HYCC1: variants seen among roughly 807,000 people sequenced by gnomAD.
HYCC1 encodes the protein hyccin PI4KA lipid kinase complex subunit 1.
At chr7:22,934,769 T>C in the HYCC1 span, 1 of 152,144 alleles carries the variant, frequency 6.6e-6, no homozygotes, top group African/African-American at 2.4e-5. Context: ...CAGTACTGAA[T>C]TGTGACAACA....
chr7:22,936,194 G>C, the HYCC1 span: 4 of 151,848 alleles, frequency 2.6e-5, no homozygotes, highest in Non-Finnish European at 4.4e-5. Flanking sequence ...CCAGAGTAAG[G>C]CTCTATTCCA....
At chr7:22,935,201 T>TG in the HYCC1 span, 1 of 152,262 alleles carries the variant, frequency 6.6e-6, no homozygotes, top group Admixed American at 6.5e-5. Flanking sequence ...CAATGAGTGT[T>TG]GCTCTGCTAT....
At chr7:22,975,092 A>AT in the HYCC1 span, among the ~76,000 whole-genome samples, 1 of 152,188 alleles carries the variant, frequency 6.6e-6, no homozygotes, top group African/African-American at 2.4e-5. Context: ...TACACTCAGG[A>AT]TAAGTTGCAT....
the HYCC1 span, among the ~76,000 whole-genome samples, chr7:22,991,402 T>C: frequency 6.6e-6 from 1 of 152,120 alleles, no homozygotes; most frequent in East Asian, 1.9e-4. Context: ...CTGCAAAACA[T>C]ATTGGACATT....
chr7:22,902,454 A>C, the HYCC1 span, among the ~76,000 whole-genome samples: 1 of 152,116 alleles, frequency 6.6e-6, no homozygotes, highest in Non-Finnish European at 1.5e-5. Flanking sequence ...GAAAATTAAC[A>C]AAACCAAAAG....
the HYCC1 span, among the ~76,000 whole-genome samples, chr7:23,012,619 T>C: frequency 1.3e-5 from 2 of 152,224 alleles, no homozygotes; most frequent in East Asian, 1.9e-4. Context: ...TCCTTCCTTG[T>C]CTTTGCCTGC....
the HYCC1 span, among the ~76,000 whole-genome samples, chr7:22,969,634 C>G: frequency 6.6e-6 from 1 of 151,832 alleles, no homozygotes; most frequent in South Asian, 2.1e-4. Context: ...AGCAATTCTC[C>G]TGCCTCAGCC....
chr7:22,947,088 G>T, the HYCC1 span: 3 of 1,550,320 alleles, frequency 1.9e-6, 1 homozygote, highest in South Asian at 3.6e-5. Context: ...AGGATCTGTG[G>T]CTGTTTCCTG....
At chr7:23,013,887 C>T in the HYCC1 span, 1 of 461,508 alleles carries the variant, frequency 2.2e-6, no homozygotes, top group Non-Finnish European at 4.5e-6. Context: ...TTGCCGGACG[C>T]CCTGGGGGCC....
chr7:22,982,712 T>C, the HYCC1 span, among the ~76,000 whole-genome samples: 1 of 152,148 alleles, frequency 6.6e-6, no homozygotes, highest in South Asian at 2.1e-4. Flanking sequence ...CCTAGTCTTC[T>C]TGCATTCCCC....
chr7:23,013,337 G>A, the HYCC1 span, among the ~76,000 whole-genome samples: 5 of 152,248 alleles, frequency 3.3e-5, no homozygotes, highest in Non-Finnish European at 1.5e-5. Context: ...TCTCCGCCCT[G>A]CAGGGGACCA....
the HYCC1 span, among the ~76,000 whole-genome samples, chr7:22,927,011 A>C: frequency 2.0e-5 from 3 of 152,218 alleles, no homozygotes; most frequent in African/African-American, 4.8e-5. Context: ...ATGAACTAGA[A>C]CTCAGGATTA....
the HYCC1 span, among the ~76,000 whole-genome samples, chr7:22,994,909 G>C: frequency 8.5e-5 from 13 of 152,066 alleles, no homozygotes; most frequent in Admixed American, 6.6e-5. Context: ...TACATCTTCT[G>C]TTTTGCTCCC....
chr7:22,969,557 G>A, the HYCC1 span, among the ~76,000 whole-genome samples: 1 of 145,820 alleles, frequency 6.9e-6, no homozygotes, highest in Admixed American at 7.0e-5. Context: ...ATCTCACTCT[G>A]TCGCCCAGGC....
At chr7:22,943,178 C>T in the HYCC1 span, 1 of 151,710 alleles carries the variant, frequency 6.6e-6, no homozygotes, top group South Asian at 2.1e-4. Flanking sequence ...GGATCATTAG[C>T]AATCTAGAAT....
chr7:22,959,268 C>T, the HYCC1 span, among the ~76,000 whole-genome samples: 92,280 of 151,900 alleles, frequency 0.61, 28,276 homozygotes, highest in South Asian at 0.68. Context: ...ACCTAGATTC[C>T]TTAAGTGAAA....
the HYCC1 span, chr7:22,991,247 G>C: frequency 1.5e-6 from 1 of 686,638 alleles, no homozygotes. Flanking sequence ...TTTGTGAAAT[G>C]AGTTTCAAAC....
At chr7:22,906,361 T>C in the HYCC1 span, among the ~76,000 whole-genome samples, 1 of 152,102 alleles carries the variant, frequency 6.6e-6, no homozygotes, top group Non-Finnish European at 1.5e-5. Flanking sequence ...GCGGATCACC[T>C]GAGCTCAGGA....
the HYCC1 span, among the ~76,000 whole-genome samples, chr7:22,984,372 C>G: frequency 2.0e-5 from 3 of 152,028 alleles, no homozygotes; most frequent in Non-Finnish European, 2.9e-5. Context: ...CTCTTATCAA[C>G]AAGGACATAA....
Sources: allele counts gnomAD v4.1 joint callset (sites outside exome capture counted in the v4.1 genomes callset), GRCh38; gene constraint gnomAD v4.1.1; transcripts MANE v1.5; gene names NCBI Gene and HGNC (gene_info 2026-07-23, HGNC 2026-07-21).